The following VAV2 variants were observed in gnomAD, a reference collection of about 807,000 sequenced individuals.
The protein encoded by VAV2 is vav guanine nucleotide exchange factor 2.
VAV2 carries 67 observed loss-of-function variants against 132.5 expected under a neutral mutation model. The observed-to-expected ratio is 0.51, with a 90% CI of 0.42 to 0.62. The LOEUF (loss-of-function observed/expected upper bound fraction) is 0.62. Ranked by LOEUF, VAV2 falls within the 20% of genes least tolerant of loss-of-function variation. VAV2 has a pLI of 0.00. For synonymous variants in VAV2, 492 were observed against 443.5 expected (o/e 1.11, Z -1.37); for missense variants, 938 against 1,153.6 (o/e 0.81, Z 2.71).
At chr9:133,923,078 A>C (rs761667704) in intron 2 of VAV2, among the ~76,000 whole-genome samples, 3 of 152,238 alleles carry the variant, frequency 2.0e-5, no homozygotes, top group African/African-American at 4.8e-5. Context: ...CCTGGTCAAC[A>C]AGCACATGAA....
rs113187857 is a variant in VAV2 at position 133,918,755 on chromosome 9, A to G, written c.321+20348T>C. ...CTAAGCCTCCCAAGAAGCAGCCGCC[A>G]TGTGTGTGTGTGTGTTTGTTTGTTT... On this transcript the variant is annotated intron_variant, in intron 2 of 29. Coordinates refer to ENST00000371850, the MANE Select transcript of VAV2 (RefSeq NM_001134398.2). The surrounding 1 kb of genome is among the most constrained non-coding windows in gnomAD (Gnocchi z 4.7). 1.2e-3 allele frequency among the ~76,000 whole-genome samples: 140 copies of G among 117,546 alleles called. No homozygotes were observed. Among genetic ancestry groups the G allele is most frequent in the African/African-American group, 6.5e-3 (100 of 15,348 alleles). 77.1% of individuals were successfully genotyped at this position (117,546 alleles called of 152,430 possible).
chr9:133,909,359 T>C (rs1052217455), intron 2 of VAV2, among the ~76,000 whole-genome samples: 8 of 152,178 alleles, frequency 5.3e-5, no homozygotes. Flanking sequence ...AAAACTCAGT[T>C]CTCGCACTGC....
intron 3 of VAV2, among the ~76,000 whole-genome samples, chr9:133,848,173 G>A (rs73553983): frequency 0.017 from 2,561 of 151,242 alleles, 66 homozygotes; most frequent in African/African-American, 0.057. Flanking sequence ...CCAGCTACTC[G>A]GGAGGCTGAG....
intron 1 of VAV2, among the ~76,000 whole-genome samples, chr9:133,979,745 C>A (rs1409738683): frequency 3.9e-5 from 6 of 152,226 alleles, no homozygotes; most frequent in Non-Finnish European, 2.9e-5. Flanking sequence ...AGCTCCCCAA[C>A]AGGCCCCAGC....
chr9:133,970,748 C>A (rs1269254020), intron 1 of VAV2, among the ~76,000 whole-genome samples: 1 of 152,188 alleles, frequency 6.6e-6, no homozygotes, highest in Non-Finnish European at 1.5e-5. Flanking sequence ...TGCCCCACAG[C>A]CTCTCGTGTC....
In VAV2 at chr9:133,782,081, T is replaced by A. The variant is rs996357511; in HGVS notation, c.1724-1371A>T. ...CATTTTCCAAATTTTCTACGGAAAATCAGTAATTAATAATCCGGCGGGGGC... is the reference window on the plus strand; with the variant it reads ...CATTTTCCAAATTTTCTACGGAAAAACAGTAATTAATAATCCGGCGGGGGC... On this transcript the variant is annotated intron_variant, in intron 19 of 29. Coordinates refer to ENST00000371850, the MANE Select transcript of VAV2 (RefSeq NM_001134398.2). Among the ~76,000 whole-genome samples the A allele has an allele frequency of 8.8e-5, 13 of 148,456 alleles. No homozygotes were observed. In the East Asian group the frequency reaches 2.4e-3, roughly 27 times the overall value.
rs147790521 is a variant in VAV2 at position 133,921,224 on chromosome 9, G to A, written c.321+17879C>T. Reference sequence around the variant, plus strand: ...ACCAGATGACAGCTCTGTGCGTGCCGGAGTGTGGGCTCTGCTCCCTTACCA... The same window carrying A: ...ACCAGATGACAGCTCTGTGCGTGCCAGAGTGTGGGCTCTGCTCCCTTACCA... On this transcript the variant is annotated intron_variant, in intron 2 of 29. Coordinates refer to ENST00000371850, the MANE Select transcript of VAV2 (RefSeq NM_001134398.2). 6.6e-3 allele frequency among the ~76,000 whole-genome samples: 998 copies of A among 152,256 alleles called. 8 individuals carry two copies. Among genetic ancestry groups the A allele is most frequent in the Non-Finnish European group, 0.011 (748 of 68,012 alleles).
chr9:133,807,693 G>A (rs1835206066), intron 7 of VAV2, among the ~76,000 whole-genome samples: 1 of 152,208 alleles, frequency 6.6e-6, no homozygotes, highest in South Asian at 2.1e-4. Context: ...TCTCTGGATG[G>A]ACAGGGCCAT....
At chr9:133,787,286 G>C in intron 15 of VAV2, 26 bp from the exon 16 acceptor site, 1 of 1,573,968 alleles carries the variant, frequency 6.4e-7, no homozygotes, top group South Asian at 1.2e-5. Context: ...AGGAGAGGAA[G>C]GGGAAGACGG....
Position 133,770,511 on chromosome 9 carries a change from G to A in VAV2, c.2224-10C>T, listed in dbSNP as rs369604164. On this transcript the variant is annotated splice_polypyrimidine_tract_variant and intron_variant, in intron 26 of 29. Coordinates refer to ENST00000371850, the MANE Select transcript of VAV2 (RefSeq NM_001134398.2). ...AGTACTCCACCAACTCCTGCAGGGC[G>A]TACACACTCACTGACAGCTGCTGCC... is the stretch of plus-strand genomic sequence containing the variant. The A allele has an allele frequency of 8.1e-6, 13 of 1,613,274 alleles. No homozygotes were observed. Among genetic ancestry groups the A allele is most frequent in the Middle Eastern group, 1.7e-4 (1 of 6,028 alleles).
At position 133,768,533 on chromosome 9, in the gene VAV2, C is replaced by G; in HGVS notation, c.2498G>C (p.Arg833Thr). The change falls in exon 29 of 30, where the codon AGG (arginine) becomes ACG (threonine). Residue 833 changes from arginine to threonine, a missense_variant. Coordinates refer to ENST00000371850, the MANE Select transcript of VAV2 (RefSeq NM_001134398.2). This position sits in a 1 kb window ranked among gnomAD's most constrained non-coding sequence, Gnocchi z 5.3. ...ARYNFAARDM[R>T]ELSLREGDVV... The stretch of plus-strand genomic sequence containing the variant: ...GTCACCCTCCCGCAGCGAAAGCTCC[C>G]TCATATCTCGGGCGGCAAAGTTATA... The G allele has an allele frequency of 6.2e-7, 1 of 1,614,084 alleles. No homozygotes were observed. Among genetic ancestry groups the G allele is most frequent in the Non-Finnish European group, 8.5e-7 (1 of 1,180,014 alleles).
chr9:133,802,119 T>TC lies in VAV2; in HGVS notation c.836+3961dup, dbSNP rs1188878736. 2.0e-5 allele frequency among the ~76,000 whole-genome samples: 3 copies of TC among 151,978 alleles called. No homozygotes were observed. Among genetic ancestry groups the TC allele is most frequent in the Non-Finnish European group, 4.4e-5 (3 of 67,990 alleles). The stretch of plus-strand genomic sequence containing the variant: ...TCCCCAGGGGGCACAGTTTGACTTT[T>TC]CCCCGAAAAATGGAGAGAAAATGAC... On this transcript the variant is annotated intron_variant, in intron 9 of 29. Transcript: ENST00000371850. The surrounding 1 kb of genome is among the most constrained non-coding windows in gnomAD (Gnocchi z 5.8).
chr9:133,771,223 C>T (rs889506334), intron 26 of VAV2, among the ~76,000 whole-genome samples: 25 of 152,116 alleles, frequency 1.6e-4, no homozygotes, highest in Admixed American at 1.2e-3. Flanking sequence ...GCCACCATGC[C>T]CGGCTAATTT....
At chr9:133,854,552 G>T (rs1318898706) in intron 3 of VAV2, among the ~76,000 whole-genome samples, 2 of 152,242 alleles carry the variant, frequency 1.3e-5, no homozygotes. Context: ...GAGGCCTGGG[G>T]TGTGGAAGAG....
chr9:133,905,628 T>C (rs1839622184), intron 2 of VAV2, among the ~76,000 whole-genome samples: 1 of 151,958 alleles, frequency 6.6e-6, no homozygotes, highest in African/African-American at 2.4e-5. Flanking sequence ...AGAAATGACC[T>C]GGAAGACCCT....
chr9:133,850,742 G>T (rs1837135036), intron 3 of VAV2, among the ~76,000 whole-genome samples: 1 of 152,202 alleles, frequency 6.6e-6, no homozygotes, highest in Non-Finnish European at 1.5e-5. Flanking sequence ...GACTTGCCCT[G>T]AATCCCTTTG....
chr9:133,884,070 G>A lies in VAV2; in HGVS notation c.322-22638C>T, dbSNP rs1838604667. 6.7e-6 allele frequency among the ~76,000 whole-genome samples: 1 copy of A among 149,662 alleles called. No homozygotes were observed. The highest frequency in any genetic ancestry group is 1.5e-5 in the Non-Finnish European group (1 of 67,990). ...GAATCACTTGAACCCGGGAGGCGGA[G>A]GTTGCAGCGAGGCGGAGGTTGCAGT... On this transcript the variant is annotated intron_variant, in intron 2 of 29. Coordinates refer to ENST00000371850, the MANE Select transcript of VAV2 (RefSeq NM_001134398.2). The surrounding 1 kb of genome is among the most constrained non-coding windows in gnomAD (Gnocchi z 5.3).
rs1257868720 is a variant in VAV2, at chr9:133,883,634, GAGCAGGCCCTC to G, written c.322-22213_322-22203del. Among the ~76,000 whole-genome samples, 1 of 152,216 alleles carries G rather than the reference GAGCAGGCCCTC, an allele frequency of 6.6e-6. No homozygotes were observed. Among genetic ancestry groups the G allele is most frequent in the East Asian group, 1.9e-4 (1 of 5,190 alleles). On this transcript the variant is annotated intron_variant, in intron 2 of 29. Coordinates refer to ENST00000371850, the MANE Select transcript of VAV2 (RefSeq NM_001134398.2). This position sits in a 1 kb window ranked among gnomAD's most constrained non-coding sequence, Gnocchi z 4.2. ...CAGCAGGCAGGTTTCAGCTCGGCCGGAGCAGGCCCTCAGGCACTGGACCTGGGGAGGCTTCC... is the reference window on the plus strand; with the variant it reads ...CAGCAGGCAGGTTTCAGCTCGGCCGGAGGCACTGGACCTGGGGAGGCTTCC...
chr9:133,775,901 T>C (rs1833792617), intron 24 of VAV2, 127 bp downstream of exon 24: 3 of 1,290,826 alleles, frequency 2.3e-6, no homozygotes, highest in Non-Finnish European at 3.1e-6. Context: ...GCCCTGGAGA[T>C]GGCAACAGGC....
Sources: gnomAD v4.1 joint callset for allele counts (sites outside exome capture counted in the v4.1 genomes callset) on GRCh38, gnomAD v4.1.1 for gene constraint, Gnocchi (gnomAD v3.1) non-coding constraint, MANE v1.5 for transcripts, NCBI Gene and HGNC (gene_info 2026-07-23, HGNC 2026-07-21) for gene names.